Variants in PRDM11 observed in about 807,000 individuals in gnomAD.
The protein encoded by PRDM11 is PR domain-containing protein 11.
A neutral mutation model predicts 97.8 loss-of-function variants in PRDM11; 20 were observed. The ratio of observed to expected loss-of-function variants is 0.20; its 90% CI spans 0.14 to 0.30. The LOEUF (loss-of-function observed/expected upper bound fraction) is 0.30. PRDM11 is among the 10% of genes least tolerant of loss of function. The pLI is 1.00. For missense variants in PRDM11, 1,139 were observed against 1,555.2 expected, an observed-to-expected ratio of 0.73 and a Z score of 4.50; for synonymous variants, 599 against 637.7, an observed-to-expected ratio of 0.94 and a Z score of 0.91.
intron 1 of PRDM11, among the ~76,000 whole-genome samples, chr11:45,173,718 G>A (rs143184410): frequency 2.0e-5 from 3 of 151,646 alleles, no homozygotes; most frequent in East Asian, 1.9e-4. Context: ...GCTTAGTGGC[G>A]ACTGCCCTGT....
intron 4 of PRDM11, among the ~76,000 whole-genome samples, chr11:45,188,888 A>AT (rs1852806470): frequency 6.6e-6 from 1 of 151,936 alleles, no homozygotes; most frequent in African/African-American, 2.4e-5. Context: ...CCAACATGGG[A>AT]TTTTTTGTTT....
At position 45,095,854 on chromosome 11, in the gene PRDM11, C is replaced by T. The variant is rs151070137; in HGVS notation, c.49C>T (p.Arg17Trp). Reference sequence around the variant, plus strand: ...TGCATCCCTGATGATCGTGGAGTGCCGGGCCTGCCTGAGATGCTCACCTCT... The same window carrying T: ...TGCATCCCTGATGATCGTGGAGTGCTGGGCCTGCCTGAGATGCTCACCTCT... Residue 17 changes from arginine to tryptophan, a missense_variant, in exon 1 of 7, where the codon CGG becomes TGG. Transcript: ENST00000530656. The T allele has an allele frequency of 5.9e-4, 460 of 779,720 alleles. 1 individual carries two copies. Among genetic ancestry groups the T allele is most frequent in the Non-Finnish European group, 9.0e-4 (377 of 417,484 alleles). 48.3% of individuals were successfully genotyped at this position (779,720 alleles called of 1,614,324 possible).
upstream of PRDM11, among the ~76,000 whole-genome samples, chr11:45,143,040 G>C (rs987736964): frequency 1.3e-5 from 2 of 152,172 alleles, no homozygotes; most frequent in African/African-American, 4.8e-5. Flanking sequence ...CTGGCAACCC[G>C]TGCAAGAAGG....
chr11:45,154,708 TCTC>T (rs1388702390), intron 1 of PRDM11, among the ~76,000 whole-genome samples: 3 of 151,944 alleles, frequency 2.0e-5, no homozygotes, highest in Admixed American at 6.6e-5. Flanking sequence ...CAACCAGAAC[TCTC>T]CTCCTCCCAA....
chr11:45,162,177 G>T (rs987639784), intron 1 of PRDM11, among the ~76,000 whole-genome samples: 65 of 152,322 alleles, frequency 4.3e-4, no homozygotes, highest in African/African-American at 1.5e-3. Context: ...TGGGTACCTA[G>T]AGGGGGCAGG....
At chr11:45,150,905 T>C (rs1397740278) in intron 1 of PRDM11, among the ~76,000 whole-genome samples, 1 of 152,234 alleles carries the variant, frequency 6.6e-6, no homozygotes, top group Admixed American at 6.5e-5. Flanking sequence ...TAGATATTAT[T>C]TCTGTTTCAC....
In PRDM11 at chr11:45,183,025, C is replaced by A. The variant is rs1210738842; in HGVS notation, c.388C>A (p.Arg130=). 6.2e-7 allele frequency: 1 copy of A among 1,614,100 alleles called. No homozygotes were observed. The highest frequency in any genetic ancestry group is 8.5e-7 in the Non-Finnish European group (1 of 1,180,012). The change falls in exon 4 of 8, where the codon CGA becomes AGA. Residue 130 remains arginine (R), a synonymous_variant. Transcript: ENST00000683152. The part of the protein sequence containing the change: ...VKDTSGESDV[R]CVNEVIPKGH... ...GGACACTAGTGGAGAGAGTGACGTG[C>A]GATGTGTAAACGAGGTCATCCCCAA...
At chr11:45,211,388 G>C (rs955155153) in intron 5 of PRDM11, among the ~76,000 whole-genome samples, 1 of 152,202 alleles carries the variant, frequency 6.6e-6, no homozygotes, top group African/African-American at 2.4e-5. Flanking sequence ...GGGCTTGCCT[G>C]TCAGTAGGGT....
chr11:45,107,784 A>G (rs1189761391), intron 1 of PRDM11, among the ~76,000 whole-genome samples: 1 of 152,024 alleles, frequency 6.6e-6, no homozygotes, highest in Non-Finnish European at 1.5e-5. Context: ...TAAAGGCTCC[A>G]GCACAGTTCC....
intron 1 of PRDM11, among the ~76,000 whole-genome samples, chr11:45,157,182 A>T (rs1367658653): frequency 6.6e-6 from 1 of 152,170 alleles, no homozygotes; most frequent in Admixed American, 6.5e-5. Context: ...AGTGGTCTCC[A>T]ACCTTTGGGG....
In PRDM11 at chr11:45,210,802, G is replaced by A. The variant is rs565275073; in HGVS notation, c.554+6024G>A. 6.5e-4 allele frequency among the ~76,000 whole-genome samples: 99 copies of A among 152,228 alleles called. 1 individual carries two copies. The highest frequency in any genetic ancestry group is 8.4e-4 in the Non-Finnish European group (57 of 68,030). On this transcript the variant is annotated intron_variant, in intron 5 of 7. Coordinates refer to ENST00000683152, the MANE Select transcript of PRDM11 (RefSeq NM_001384648.1). ...TGGCCCTGAGCTCAATTCAGAAGCAGGACTTGAACCCGGGTCTGCTGGCTT... is the reference window on the plus strand; with the variant it reads ...TGGCCCTGAGCTCAATTCAGAAGCAAGACTTGAACCCGGGTCTGCTGGCTT...
intron 4 of PRDM11, among the ~76,000 whole-genome samples, chr11:45,204,106 G>A (rs571850937): frequency 6.6e-6 from 1 of 152,330 alleles, no homozygotes; most frequent in East Asian, 1.9e-4. Flanking sequence ...CTTTTTAGCA[G>A]TCTTCAGAGT....
chr11:45,110,994 G>A lies in PRDM11; in HGVS notation c.96+15093G>A, dbSNP rs116853697. ...TTTTAATAAAAGCTTTACAGTTTTC[G>A]ACGTCCAATGGTTCCCCGAGACTTA... On this transcript the variant is annotated intron_variant, in intron 1 of 6. Transcript: ENST00000530656. Among the ~76,000 whole-genome samples, 192 of 150,094 alleles carry A rather than the reference G, an allele frequency of 1.3e-3. 2 individuals are homozygous for A. In the East Asian group the frequency reaches 0.033, roughly 26 times the overall value.
chr11:45,134,480 G>A (rs139028390), intron 1 of PRDM11, among the ~76,000 whole-genome samples: 3 of 151,934 alleles, frequency 2.0e-5, no homozygotes, highest in East Asian at 1.9e-4. Flanking sequence ...TGGGCAGATC[G>A]CTTGACTCAG....
At chr11:45,209,835 G>C (rs543463739) in intron 5 of PRDM11, among the ~76,000 whole-genome samples, 1 of 152,214 alleles carries the variant, frequency 6.6e-6, no homozygotes, top group Non-Finnish European at 1.5e-5. Context: ...GAGTTAAGGA[G>C]TGGGTAAAAC....
Position 45,193,242 on chromosome 11 carries a change from A to G in PRDM11, c.486+10119A>G, listed in dbSNP as rs78621921. Among the ~76,000 whole-genome samples, 501 of 152,196 alleles carry G rather than the reference A, an allele frequency of 3.3e-3. 13 individuals are homozygous for G. The East Asian group carries it at 0.08, about 24-fold the overall frequency. On this transcript the variant is annotated intron_variant, in intron 4 of 7. Transcript: ENST00000683152. ...CAGGAGTGTGCCATCACACCCATCT[A>G]TCTTTGTTATTGCAACTGCCATGAT...
chr11:45,201,583 T>C (rs183425808), intron 4 of PRDM11, among the ~76,000 whole-genome samples: 3 of 152,108 alleles, frequency 2.0e-5, no homozygotes, highest in African/African-American at 7.2e-5. Flanking sequence ...AGCCTCAAAC[T>C]CTTGGGCTTA....
At chr11:45,163,551 A>G (rs1851984815) in intron 1 of PRDM11, among the ~76,000 whole-genome samples, 1 of 151,920 alleles carries the variant, frequency 6.6e-6, no homozygotes, top group Non-Finnish European at 1.5e-5. Flanking sequence ...GATCGTAGGG[A>G]ATTCCCCCAC....
chr11:45,207,395 T>C (rs1384557846), intron 5 of PRDM11, among the ~76,000 whole-genome samples: 1 of 152,240 alleles, frequency 6.6e-6, no homozygotes, highest in Admixed American at 6.5e-5. Flanking sequence ...GATCTGTCTG[T>C]GGTGGTTCTC....
Sources: gnomAD v4.1 joint callset for allele counts (sites outside exome capture counted in the v4.1 genomes callset) on GRCh38, gnomAD v4.1.1 for gene constraint, MANE v1.5 for transcripts, NCBI Gene and HGNC (gene_info 2026-07-23, HGNC 2026-07-21) for gene names.